PAX7: variants seen among roughly 807,000 people sequenced by gnomAD.
PAX7 encodes the protein paired box 7.
Under a neutral mutation model 50.7 loss-of-function variants are expected in PAX7, and 18 were observed. The observed-to-expected ratio is 0.36, with a 90% CI of 0.25 to 0.53. PAX7 has a LOEUF of 0.53. PAX7 is among the 20% of genes least tolerant of loss of function. PAX7 has a pLI of 0.93. For missense variants in PAX7, 644 were observed against 702.9 expected, an observed-to-expected ratio of 0.92 and a Z score of 0.95; for synonymous variants, 310 against 290.4, an observed-to-expected ratio of 1.07 and a Z score of -0.69.
At position 18,723,055 on chromosome 1, in the gene PAX7, G is replaced by A. The variant is rs534270550; in HGVS notation, c.1156-12577G>A. 3.3e-5 allele frequency among the ~76,000 whole-genome samples: 5 copies of A among 152,304 alleles called. No individual in the cohort carries two copies. The South Asian group carries it at 1.0e-3, about 32-fold the overall frequency. The stretch of plus-strand genomic sequence containing the variant: ...TCATAGTCCAGTTGGACAAAACCAA[G>A]ACAACAAATTAATGGGCCCCCAAAT... On this transcript the variant is annotated intron_variant, in intron 7 of 8. Coordinates refer to ENST00000420770, the MANE Select transcript of PAX7 (RefSeq NM_001135254.2).
chr1:18,736,857 G>A (rs780196400), intron 8 of PAX7, among the ~76,000 whole-genome samples: 2 of 152,156 alleles, frequency 1.3e-5, no homozygotes, highest in East Asian at 3.9e-4. Context: ...TTTCCCAGTC[G>A]CACTAGCCAC....
intron 7 of PAX7, among the ~76,000 whole-genome samples, chr1:18,734,444 T>G (rs376351053): frequency 6.6e-6 from 1 of 151,880 alleles, no homozygotes; most frequent in East Asian, 1.9e-4. Flanking sequence ...CACTGTGCCC[T>G]CTCTCTCCTG....
chr1:18,644,690 T>A (rs1337582163), intron 4 of PAX7, among the ~76,000 whole-genome samples: 1 of 152,082 alleles, frequency 6.6e-6, no homozygotes, highest in Non-Finnish European at 1.5e-5. Context: ...GGCACTGAGA[T>A]CCTGCCCTTG....
At chr1:18,701,410 G>C (rs564872375) in intron 6 of PAX7, among the ~76,000 whole-genome samples, 1 of 151,762 alleles carries the variant, frequency 6.6e-6, no homozygotes, top group Admixed American at 6.6e-5. Flanking sequence ...GAGTGTGTGC[G>C]TATGAGTGAG....
At chr1:18,703,348 A>G (rs377593710) in intron 7 of PAX7, 52 bp downstream of exon 7, 26 of 1,507,686 alleles carry the variant, frequency 1.7e-5, no homozygotes, top group Non-Finnish European at 2.3e-5. Flanking sequence ...AAAGTCAGAC[A>G]TCTGCAGACA....
intron 6 of PAX7, among the ~76,000 whole-genome samples, chr1:18,702,026 A>G (rs940011581): frequency 5.3e-5 from 8 of 152,052 alleles, no homozygotes; most frequent in Non-Finnish European, 8.8e-5. Flanking sequence ...CACCAGGAAT[A>G]CCACTACTTG....
chr1:18,657,641 G>A (rs566656812), intron 4 of PAX7, among the ~76,000 whole-genome samples: 1 of 152,166 alleles, frequency 6.6e-6, no homozygotes, highest in African/African-American at 2.4e-5. Context: ...CACTTAAAGG[G>A]AAGCAGAATT....
intron 4 of PAX7, among the ~76,000 whole-genome samples, chr1:18,648,708 C>G (rs551999042): frequency 6.6e-6 from 1 of 152,226 alleles, no homozygotes; most frequent in South Asian, 2.1e-4. Context: ...CCCCCACTGC[C>G]GGTCCAGACT....
intron 4 of PAX7, among the ~76,000 whole-genome samples, chr1:18,646,873 G>A (rs1035442508): frequency 1.7e-4 from 26 of 150,174 alleles, no homozygotes; most frequent in African/African-American, 3.7e-4. Context: ...AAACCGGGGG[G>A]CGGCGCGGGG....
At chr1:18,668,278 A>G (rs906213745) in intron 4 of PAX7, among the ~76,000 whole-genome samples, 2 of 152,210 alleles carry the variant, frequency 1.3e-5, no homozygotes, top group African/African-American at 2.4e-5. Flanking sequence ...CTGAATTTCA[A>G]CGTCCTGGCC....
chr1:18,671,624 G>C (rs2088751100), intron 4 of PAX7, among the ~76,000 whole-genome samples: 1 of 152,062 alleles, frequency 6.6e-6, no homozygotes, highest in Non-Finnish European at 1.5e-5. Context: ...TTCAAATCCT[G>C]AATCTTGGCC....
At chr1:18,691,640 T>C (rs1390852105) in intron 4 of PAX7, 114 bp from the exon 5 acceptor site, 2 of 810,924 alleles carry the variant, frequency 2.5e-6, no homozygotes, top group African/African-American at 3.4e-5. Flanking sequence ...CTGATCGAAG[T>C]GCAGTCATGG....
chr1:18,662,406 T>A (rs1310614756), intron 4 of PAX7, among the ~76,000 whole-genome samples: 1 of 152,126 alleles, frequency 6.6e-6, no homozygotes, highest in East Asian at 1.9e-4. Flanking sequence ...GCTCCTTTGT[T>A]CCTTCTTTAG....
chr1:18,744,766 TAAAC>T (rs1244467245), intron 8 of PAX7, 44 bp from the exon 9 acceptor site: 1 of 1,120,028 alleles, frequency 8.9e-7, no homozygotes, highest in African/African-American at 1.6e-5. Context: ...AATGGAAGAA[TAAAC>T]AAAAAGAACC....
intron 4 of PAX7, among the ~76,000 whole-genome samples, chr1:18,643,168 GC>G (rs764293915): frequency 2.8e-4 from 42 of 152,350 alleles, no homozygotes; most frequent in Admixed American, 7.2e-4. Context: ...CGCGTGCCAG[GC>G]CCCCGGTTTG....
chr1:18,695,422 T>C (rs1338169640), intron 5 of PAX7, among the ~76,000 whole-genome samples: 1 of 152,152 alleles, frequency 6.6e-6, no homozygotes, highest in Non-Finnish European at 1.5e-5. Flanking sequence ...AAAGCTCTGC[T>C]GTCTTGAAGC....
chr1:18,652,283 A>G (rs1339312712), intron 4 of PAX7, among the ~76,000 whole-genome samples: 3 of 152,050 alleles, frequency 2.0e-5, no homozygotes, highest in Admixed American at 2.0e-4. Flanking sequence ...TAGAGTTAGA[A>G]CTACCATTTT....
intron 4 of PAX7, among the ~76,000 whole-genome samples, chr1:18,647,634 A>C (rs2088367030): frequency 6.6e-6 from 1 of 152,150 alleles, no homozygotes; most frequent in African/African-American, 2.4e-5. Flanking sequence ...ACACAACCTC[A>C]AAGTAGGCTA....
chr1:18,698,577 G>C (rs1433971147), intron 5 of PAX7, among the ~76,000 whole-genome samples: 1 of 152,156 alleles, frequency 6.6e-6, no homozygotes, highest in Non-Finnish European at 1.5e-5. Context: ...CACTGTTTGG[G>C]AAACACTGAA....
Sources: gnomAD v4.1 joint callset for allele counts (sites outside exome capture counted in the v4.1 genomes callset) on GRCh38, gnomAD v4.1.1 for gene constraint, MANE v1.5 for transcripts, NCBI Gene and HGNC (gene_info 2026-07-23, HGNC 2026-07-21) for gene names.